NAALADL2: variants seen among roughly 807,000 people sequenced by gnomAD.
NAALADL2 encodes the protein N-acetylated alpha-linked acidic dipeptidase like 2, also known as inactive N-acetylated-alpha-linked acidic dipeptidase-like protein 2.
A neutral mutation model predicts 87.2 loss-of-function variants in NAALADL2; 76 were observed. The ratio of observed to expected loss-of-function variants is 0.87; its 90% confidence interval spans 0.72 to 1.05. The LOEUF (loss-of-function observed/expected upper bound fraction) is 1.05. Among genes scored for constraint, NAALADL2 ranks in the 50% least tolerant of loss-of-function variants. The probability of loss-of-function intolerance (pLI) is 0.00; values close to 1 mark genes in which losing one functional copy is unlikely to be tolerated. For missense variants in NAALADL2, 1,089 were observed against 945.8 expected (o/e 1.15, Z -1.99); for synonymous variants, 354 against 331.0 (o/e 1.07, Z -0.75).
chr3:175,406,841 C>A (rs1311574337), intron 5 of NAALADL2, among the ~76,000 whole-genome samples: 9 of 151,670 alleles, frequency 5.9e-5, no homozygotes, highest in African/African-American at 2.2e-4. Context: ...GTTATGGCTT[C>A]CTGGTTCAGT....
At chr3:175,269,112 T>TTGAA (rs1752418396) in intron 4 of NAALADL2, among the ~76,000 whole-genome samples, 2 of 143,284 alleles carry the variant, frequency 1.4e-5, no homozygotes, top group African/African-American at 4.9e-5. Flanking sequence ...CTAATATTTG[T>TTGAA]ATTTTCAGTA....
chr3:175,809,826 AGAAG>A lies in NAALADL2; in HGVS notation c.*6624_*6627del. On this transcript the variant is annotated 3_prime_UTR_variant, in exon 14 of 14. Transcript: ENST00000454872. ...GCAGCATTTAGATATGTAAGATTTT[AGAAG>A]TAAAATCTCAGTGGTATAACATTTA... The A allele has an allele frequency of 6.6e-6, 1 of 152,114 alleles. No individual in the cohort carries two copies. The highest frequency in any genetic ancestry group is 2.4e-5 in the African/African-American group (1 of 41,448). The allele number at this position is 152,114 out of a possible 1,614,324, so 9.4% of individuals were successfully genotyped here.
chr3:174,825,141 G>A (rs1428630542), intron 3 of NAALADL2, among the ~76,000 whole-genome samples: 1 of 152,182 alleles, frequency 6.6e-6, no homozygotes, highest in African/African-American at 2.4e-5. Flanking sequence ...TTTATAAAAG[G>A]AGAATAATTT....
At chr3:174,795,600 T>A (rs1338896744) in intron 3 of NAALADL2, among the ~76,000 whole-genome samples, 1 of 152,202 alleles carries the variant, frequency 6.6e-6, no homozygotes, top group Non-Finnish European at 1.5e-5. Flanking sequence ...GTTTAATATT[T>A]AAGAAGCTGC....
At chr3:175,519,432 A>G (rs991231850) in intron 9 of NAALADL2, among the ~76,000 whole-genome samples, 4 of 152,182 alleles carry the variant, frequency 2.6e-5, no homozygotes, top group Admixed American at 6.5e-5. Context: ...ATAAGCCCCA[A>G]TAGTTTCAAC....
chr3:174,706,754 G>A (rs965181305), intron 2 of NAALADL2, among the ~76,000 whole-genome samples: 9 of 152,164 alleles, frequency 5.9e-5, no homozygotes, highest in Non-Finnish European at 1.3e-4. Context: ...TTCTTCTAGG[G>A]TTTTTATGGT....
At chr3:175,445,989 T>G (rs1401446796) in intron 5 of NAALADL2, among the ~76,000 whole-genome samples, 2 of 152,108 alleles carry the variant, frequency 1.3e-5, no homozygotes, top group Non-Finnish European at 2.9e-5. Context: ...ATCTCTTACT[T>G]AAGGATAACA....
At chr3:174,722,592 C>T (rs1469588816) in intron 2 of NAALADL2, among the ~76,000 whole-genome samples, 3 of 152,122 alleles carry the variant, frequency 2.0e-5, no homozygotes, top group Non-Finnish European at 2.9e-5. Context: ...ATCCCAGCTA[C>T]TCGGGAGACT....
At chr3:175,747,025 T>C (rs1038633779) in intron 12 of NAALADL2, among the ~76,000 whole-genome samples, 1 of 152,198 alleles carries the variant, frequency 6.6e-6, no homozygotes, top group African/African-American at 2.4e-5. Flanking sequence ...AAATAGTTGT[T>C]ATACTGAATT....
chr3:174,995,196 C>T (rs1418592492), intron 1 of NAALADL2, among the ~76,000 whole-genome samples: 1 of 151,460 alleles, frequency 6.6e-6, no homozygotes, highest in Non-Finnish European at 1.5e-5. Flanking sequence ...TTAAATAATA[C>T]TTCCCAGATA....
chr3:175,352,241 C>T (rs1331299936), intron 5 of NAALADL2, among the ~76,000 whole-genome samples: 2 of 151,368 alleles, frequency 1.3e-5, no homozygotes, highest in Non-Finnish European at 2.9e-5. Context: ...TTTAAACTTT[C>T]ATTGGCAAAG....
chr3:175,420,593 A>T (rs1257240412), intron 5 of NAALADL2, among the ~76,000 whole-genome samples: 1 of 152,048 alleles, frequency 6.6e-6, no homozygotes, highest in Admixed American at 6.6e-5. Context: ...TAATAAACAA[A>T]AAATTTAAAA....
chr3:174,532,946 C>A (rs1357920598), intron 1 of NAALADL2, among the ~76,000 whole-genome samples: 1 of 151,616 alleles, frequency 6.6e-6, no homozygotes, highest in Non-Finnish European at 1.5e-5. Flanking sequence ...CTCCTTTTCT[C>A]CTTTTTGCCT....
intron 3 of NAALADL2, among the ~76,000 whole-genome samples, chr3:174,768,001 C>T (rs1445178725): frequency 6.6e-6 from 1 of 152,138 alleles, no homozygotes; most frequent in African/African-American, 2.4e-5. Flanking sequence ...CTATTAGAAA[C>T]TGTTACCTCA....
chr3:175,332,432 C>G (rs1011996160), intron 5 of NAALADL2, among the ~76,000 whole-genome samples: 1 of 152,292 alleles, frequency 6.6e-6, no homozygotes, highest in South Asian at 2.1e-4. Flanking sequence ...CTCCAAGTAG[C>G]TGGGACCAAA....
chr3:175,302,640 A>G (rs905737213), intron 4 of NAALADL2, among the ~76,000 whole-genome samples: 1 of 152,126 alleles, frequency 6.6e-6, no homozygotes, highest in Non-Finnish European at 1.5e-5. Flanking sequence ...TTAACATGAG[A>G]TTTTCTAAAA....
chr3:175,651,140 T>A (rs1730706883), intron 11 of NAALADL2, among the ~76,000 whole-genome samples: 1 of 152,320 alleles, frequency 6.6e-6, no homozygotes, highest in South Asian at 2.1e-4. Flanking sequence ...TGTGTATAAT[T>A]CGTGTATTTT....
At chr3:175,211,701 TA>T (rs1245172228) in intron 2 of NAALADL2, among the ~76,000 whole-genome samples, 3 of 152,022 alleles carry the variant, frequency 2.0e-5, no homozygotes, top group African/African-American at 7.2e-5. Context: ...CCGGTGTGTT[TA>T]AATATATGGG....
At chr3:175,312,592 C>T (rs1009984344) in intron 4 of NAALADL2, among the ~76,000 whole-genome samples, 8 of 151,906 alleles carry the variant, frequency 5.3e-5, no homozygotes, top group East Asian at 3.9e-4. Flanking sequence ...AAAGGATGGA[C>T]GTATAATTGA....
Sources: allele counts gnomAD v4.1 joint callset (sites outside exome capture counted in the v4.1 genomes callset), GRCh38; gene constraint gnomAD v4.1.1; transcripts MANE v1.5; gene names NCBI Gene and HGNC (gene_info 2026-07-23, HGNC 2026-07-21).